Variants in SDK2 observed in about 807,000 individuals in gnomAD.
SDK2 encodes sidekick cell adhesion molecule 2, also known as protein sidekick-2.
A neutral mutation model predicts 253.9 loss-of-function variants in SDK2; 105 were observed. That is an observed-to-expected ratio of 0.41 (90% CI 0.35 to 0.49). The LOEUF (loss-of-function observed/expected upper bound fraction) is 0.49, where lower values mean the gene tolerates loss of function less well. Ranked by LOEUF, SDK2 falls within the 20% of genes least tolerant of loss-of-function variation. SDK2 has a pLI of 0.06. For missense variants in SDK2, 2,608 were observed against 3,003.0 expected (o/e 0.87, Z 3.07); for synonymous variants, 1,249 against 1,234.9 (o/e 1.01, Z -0.24).
intron 1 of SDK2, among the ~76,000 whole-genome samples, chr17:73,551,616 C>T (rs961962585): frequency 3.3e-5 from 5 of 152,178 alleles, no homozygotes; most frequent in African/African-American, 7.2e-5. Context: ...TACAGCTGTT[C>T]CTTTCTCCTT....
At position 73,442,364 on chromosome 17, in the gene SDK2, C is replaced by T. The variant is rs574122806; in HGVS notation, c.614-1441G>A. ...TCATGCAGTCTTTTTTTTTTTTGGA[C>T]GGAGTCTGGCTCTGTTGCCCAGGCT... On this transcript the variant is annotated intron_variant, in intron 5 of 44. Coordinates refer to ENST00000392650, the MANE Select transcript of SDK2 (RefSeq NM_001144952.2). 7.4e-5 allele frequency among the ~76,000 whole-genome samples: 11 copies of T among 148,022 alleles called. No homozygotes were observed. The South Asian group carries it at 1.5e-3, about 20-fold the overall frequency.
intron 39 of SDK2, among the ~76,000 whole-genome samples, chr17:73,358,926 G>A (rs781635233): frequency 3.5e-4 from 53 of 151,978 alleles, no homozygotes; most frequent in Non-Finnish European, 6.0e-4. Flanking sequence ...TGAGGGAGCC[G>A]GCCCTAGGAG....
chr17:73,475,014 A>AG (rs2063676511), intron 2 of SDK2, among the ~76,000 whole-genome samples: 1 of 152,166 alleles, frequency 6.6e-6, no homozygotes, highest in South Asian at 2.1e-4. Context: ...GGCAGGAGTG[A>AG]GGGGGAGGGG....
intron 27 of SDK2, among the ~76,000 whole-genome samples, chr17:73,391,899 C>T (rs2062931251): frequency 6.6e-6 from 1 of 152,184 alleles, no homozygotes; most frequent in Admixed American, 6.5e-5. Context: ...TCCTTCCACC[C>T]ATGGGGTGAA....
At chr17:73,532,442 C>A (rs193221312) in intron 1 of SDK2, among the ~76,000 whole-genome samples, 1 of 151,964 alleles carries the variant, frequency 6.6e-6, no homozygotes, top group Non-Finnish European at 1.5e-5. Flanking sequence ...GCCTGGGCTG[C>A]GAAGAAAAGG....
chr17:73,619,862 C>A (rs1034482108), intron 1 of SDK2, among the ~76,000 whole-genome samples: 7 of 151,972 alleles, frequency 4.6e-5, no homozygotes, highest in East Asian at 1.9e-4. Context: ...TGTAATGAAA[C>A]CTTACAACTG....
Position 73,643,832 on chromosome 17 carries a change from GGA to G in SDK2, c.64+191_64+192del, listed in dbSNP as rs1451967307. On this transcript the variant is annotated intron_variant, in intron 1 of 44. Transcript: ENST00000392650. This position sits in a 1 kb window ranked among gnomAD's most constrained non-coding sequence, Gnocchi z 6.9. ...CCCCCATTCGGAAGCCACAAGTCTC[GGA>G]GAGACTGCCCCACCCCCAAAAGAGC... Among the ~76,000 whole-genome samples, 4 of 151,976 alleles carry G rather than the reference GGA, an allele frequency of 2.6e-5. No individual in the cohort carries two copies. Among genetic ancestry groups the G allele is most frequent in the Non-Finnish European group, 5.9e-5 (4 of 67,966 alleles).
chr17:73,512,399 CA>C (rs1392716640), intron 1 of SDK2, among the ~76,000 whole-genome samples: 2 of 152,054 alleles, frequency 1.3e-5, no homozygotes, highest in African/African-American at 4.8e-5. Context: ...GTGCAGTAAA[CA>C]ACCTGTGCAA....
intron 18 of SDK2, among the ~76,000 whole-genome samples, chr17:73,404,096 C>T (rs552223512): frequency 3.0e-4 from 45 of 152,198 alleles, no homozygotes; most frequent in African/African-American, 1.1e-3. Context: ...TATCACTGGG[C>T]CTTACCCACA....
At chr17:73,480,682 AAGAG>A (rs749961918) in intron 2 of SDK2, among the ~76,000 whole-genome samples, 4 of 152,206 alleles carry the variant, frequency 2.6e-5, no homozygotes, top group African/African-American at 7.2e-5. Flanking sequence ...TCTAGGGAGA[AAGAG>A]AGAGAGACAG....
In SDK2 at chr17:73,476,390, A is replaced by G. The variant is rs1364332632; in HGVS notation, c.225-4172T>C. ...GAGAGATACCCGGGATGGGGAGGGAAGAAACTTCTATTTTTTGATTTTATG... is the reference window on the plus strand; with the variant it reads ...GAGAGATACCCGGGATGGGGAGGGAGGAAACTTCTATTTTTTGATTTTATG... On this transcript the variant is annotated intron_variant, in intron 2 of 44. Coordinates refer to ENST00000392650, the MANE Select transcript of SDK2 (RefSeq NM_001144952.2). Among the ~76,000 whole-genome samples, 3 of 152,200 alleles carry G rather than the reference A, an allele frequency of 2.0e-5. No homozygotes were observed. The East Asian group carries it at 5.8e-4, about 29-fold the overall frequency.
At chr17:73,486,972 C>T (rs899074415) in intron 2 of SDK2, among the ~76,000 whole-genome samples, 2 of 152,134 alleles carry the variant, frequency 1.3e-5, no homozygotes, top group Non-Finnish European at 2.9e-5. Context: ...CTCACTCTGT[C>T]GCCCAGGCTG....
intron 2 of SDK2, among the ~76,000 whole-genome samples, chr17:73,487,980 C>T (rs116231107): frequency 0.013 from 2,023 of 152,214 alleles, 49 homozygotes; most frequent in African/African-American, 0.044. Flanking sequence ...TGTTATACCT[C>T]GGACACTCCA....
chr17:73,390,900 C>T (rs1214547879), intron 28 of SDK2, among the ~76,000 whole-genome samples: 1 of 152,204 alleles, frequency 6.6e-6, no homozygotes, highest in Admixed American at 6.5e-5. Context: ...GAGGTCAGGA[C>T]TGAGAACCCT....
intron 18 of SDK2, among the ~76,000 whole-genome samples, chr17:73,405,723 C>CT (rs537794783): frequency 0.011 from 1,472 of 139,680 alleles, 24 homozygotes; most frequent in Middle Eastern, 0.033. Flanking sequence ...TCTTATATAT[C>CT]TTTTTTTTTT....
chr17:73,581,967 C>T (rs1157219752), intron 1 of SDK2, among the ~76,000 whole-genome samples: 3 of 152,230 alleles, frequency 2.0e-5, no homozygotes, highest in African/African-American at 7.2e-5. Context: ...CCTGGGCTCT[C>T]TCCTGCATCT....
chr17:73,546,760 A>G (rs2044971948), intron 1 of SDK2, among the ~76,000 whole-genome samples: 1 of 152,212 alleles, frequency 6.6e-6, no homozygotes, highest in Non-Finnish European at 1.5e-5. Flanking sequence ...CAGTTCTGAC[A>G]TGGCAAGATC....
chr17:73,377,013 T>C (rs138935497), intron 36 of SDK2, among the ~76,000 whole-genome samples: 133 of 152,094 alleles, frequency 8.7e-4, no homozygotes, highest in Middle Eastern at 3.4e-3. Context: ...TGAGGTGCCT[T>C]GTGTCTCTCC....
chr17:73,569,823 G>A (rs926854571), intron 1 of SDK2, among the ~76,000 whole-genome samples: 6 of 152,054 alleles, frequency 3.9e-5, no homozygotes, highest in African/African-American at 1.2e-4. Flanking sequence ...ACGGAGCTCC[G>A]AGCCTTGATC....
Sources: gnomAD v4.1 joint callset for allele counts (sites outside exome capture counted in the v4.1 genomes callset) on GRCh38, gnomAD v4.1.1 for gene constraint, Gnocchi (gnomAD v3.1) non-coding constraint, MANE v1.5 for transcripts, NCBI Gene and HGNC (gene_info 2026-07-23, HGNC 2026-07-21) for gene names.